AFDN: variants seen among roughly 807,000 people sequenced by gnomAD.
The protein encoded by AFDN is afadin.
AFDN carries 68 observed loss-of-function variants against 216.6 expected under a neutral mutation model. That is an observed-to-expected ratio of 0.31 (90% CI 0.26 to 0.38). The LOEUF (loss-of-function observed/expected upper bound fraction) is 0.38. Ranked by LOEUF, AFDN falls within the 10% of genes least tolerant of loss-of-function variation. The probability of loss-of-function intolerance (pLI) is 1.00; values close to 1 mark genes in which losing one functional copy is unlikely to be tolerated. For synonymous variants in AFDN, 868 were observed against 853.7 expected, an observed-to-expected ratio of 1.02 and a Z score of -0.29; for missense variants, 2,136 against 2,342.0, an observed-to-expected ratio of 0.91 and a Z score of 1.82.
intron 1 of AFDN, among the ~76,000 whole-genome samples, chr6:167,830,665 G>A (rs1203500804): frequency 6.6e-6 from 1 of 152,062 alleles, no homozygotes; most frequent in Admixed American, 6.6e-5. Context: ...TGCCCTGATG[G>A]TAAAAATAAC....
chr6:167,918,157 T>A (rs924956134), intron 20 of AFDN, among the ~76,000 whole-genome samples: 3 of 152,230 alleles, frequency 2.0e-5, no homozygotes, highest in African/African-American at 7.2e-5. Flanking sequence ...ATCTTTTTGA[T>A]CTGTACAGTT....
At chr6:167,877,173 T>C (rs1313630579) in intron 5 of AFDN, among the ~76,000 whole-genome samples, 1 of 152,212 alleles carries the variant, frequency 6.6e-6, no homozygotes, top group Non-Finnish European at 1.5e-5. Context: ...TGGATTTTAC[T>C]GAGGAGGGGA....
chr6:167,826,628 A>T (rs1423198520), upstream of AFDN: 1 of 504,970 alleles, frequency 2.0e-6, no homozygotes, highest in African/African-American at 1.9e-5. Context: ...GCCCATTTAG[A>T]TCCAGCAGCG....
intron 12 of AFDN, among the ~76,000 whole-genome samples, chr6:167,904,852 A>G (rs117415550): frequency 1.3e-5 from 2 of 152,152 alleles, no homozygotes; most frequent in African/African-American, 4.8e-5. Flanking sequence ...ACATTTAAAA[A>G]ATGTAAATTA....
intron 1 of AFDN, chr6:167,827,999 T>G (rs1013380014): frequency 6.6e-6 from 1 of 152,140 alleles, no homozygotes. Context: ...AAAAAATGTT[T>G]GAGTCCAAGT....
At chr6:167,947,126 C>T (rs1057266456) in intron 27 of AFDN, among the ~76,000 whole-genome samples, 8 of 151,908 alleles carry the variant, frequency 5.3e-5, no homozygotes, top group African/African-American at 1.9e-4. Flanking sequence ...TTAATAACAT[C>T]TCTATTTGGG....
chr6:167,952,124 G>A lies in AFDN; in HGVS notation c.4770G>A (p.Glu1590=). ...AGAAGGACGAAGATGACGAGGAGGA[G>A]GAGGACGATGATGTGGACACCATGC... is the stretch of plus-strand genomic sequence containing the variant. ...SKQKDEDDEE[E]EDDDVDTMLI... The change falls in exon 30 of 34, where the codon GAG becomes GAA. Residue 1590 remains glutamate (E), a synonymous_variant. Coordinates refer to ENST00000683244, the MANE Select transcript of AFDN (RefSeq NM_001386888.1). The A allele has an allele frequency of 6.2e-7, 1 of 1,614,180 alleles. No individual in the cohort carries two copies. Among genetic ancestry groups the A allele is most frequent in the Non-Finnish European group, 8.5e-7 (1 of 1,180,044 alleles).
chr6:167,904,209 CT>C (rs1226939683), intron 12 of AFDN, among the ~76,000 whole-genome samples: 121 of 145,336 alleles, frequency 8.3e-4, no homozygotes, highest in Non-Finnish European at 1.1e-3. Flanking sequence ...ATCTCTCTCT[CT>C]TTTTTTTTTT....
At chr6:167,937,800 T>A (rs1241072859) in intron 23 of AFDN, among the ~76,000 whole-genome samples, 2 of 152,182 alleles carry the variant, frequency 1.3e-5, no homozygotes, top group Non-Finnish European at 2.9e-5. Flanking sequence ...AATTTTACAG[T>A]TTTATTGCTA....
chr6:167,922,147 G>A (rs1391016216), intron 21 of AFDN, among the ~76,000 whole-genome samples: 2 of 152,228 alleles, frequency 1.3e-5, no homozygotes, highest in African/African-American at 2.4e-5. Flanking sequence ...ATAGATAGGA[G>A]TTGGTCAAAA....
intron 26 of AFDN, 134 bp downstream of exon 26, chr6:167,944,193 T>A: frequency 1.5e-6 from 1 of 661,556 alleles, no homozygotes; most frequent in East Asian, 2.8e-5. Context: ...ATGAGAGCGC[T>A]TCAGCATAGT....
At chr6:167,872,426 T>A in intron 4 of AFDN, 49 bp downstream of exon 4, 3 of 1,553,580 alleles carry the variant, frequency 1.9e-6, no homozygotes, top group Non-Finnish European at 2.6e-6. Flanking sequence ...CCAAATCAGA[T>A]GTTTTTGTTG....
intron 6 of AFDN, 103 bp from the exon 7 acceptor site, chr6:167,889,112 C>T (rs1787239387): frequency 1.0e-5 from 7 of 703,456 alleles, no homozygotes; most frequent in Admixed American, 5.0e-5. Flanking sequence ...CTTAATTCTA[C>T]GGTGACATTT....
intron 29 of AFDN, among the ~76,000 whole-genome samples, chr6:167,950,853 G>A (rs887023363): frequency 6.8e-6 from 1 of 146,116 alleles, no homozygotes; most frequent in Non-Finnish European, 1.5e-5. Flanking sequence ...TTGCTTTTTT[G>A]CTTTTTTTTT....
At chr6:167,935,516 G>A (rs1319141680) in intron 23 of AFDN, among the ~76,000 whole-genome samples, 1 of 152,162 alleles carries the variant, frequency 6.6e-6, no homozygotes, top group Admixed American at 6.5e-5. Context: ...AATGAAATTT[G>A]TAATTCCTGA....
intron 21 of AFDN, among the ~76,000 whole-genome samples, chr6:167,919,763 A>G (rs781509838): frequency 1.3e-5 from 2 of 152,234 alleles, no homozygotes; most frequent in Non-Finnish European, 2.9e-5. Context: ...TATTAGACCA[A>G]ATTTTAATCC....
rs753951603 is a variant in AFDN, at chr6:167,911,104, A to G, written c.1773A>G (p.Thr591=). The G allele has an allele frequency of 5.0e-6, 8 of 1,612,542 alleles. No homozygotes were observed. In the East Asian group the frequency reaches 6.7e-5, roughly 13 times the overall value. The change falls in exon 14 of 34, where the codon ACA becomes ACG. Residue 591 remains threonine, a synonymous_variant. Coordinates refer to ENST00000683244, the MANE Select transcript of AFDN (RefSeq NM_001386888.1). ...GATGTCAGCTTTCTTCTTTTAGAAC[A>G]CAGGATGCTTCTGGGCCTGAGCTGA... ...QPDYRRQESR[T]QDASGPELIL... is the part of the protein sequence containing the mutation.
intron 21 of AFDN, among the ~76,000 whole-genome samples, chr6:167,921,256 G>C (rs1791757883): frequency 6.6e-6 from 1 of 152,216 alleles, no homozygotes; most frequent in African/African-American, 2.4e-5. Context: ...CTCTTGACTT[G>C]ATGATGGAGT....
intron 19 of AFDN, among the ~76,000 whole-genome samples, chr6:167,916,597 G>A (rs1791096361): frequency 1.3e-5 from 2 of 152,062 alleles, no homozygotes; most frequent in Non-Finnish European, 2.9e-5. Flanking sequence ...ACTAGGAGGT[G>A]ATGTTTTGCA....
Sources: gnomAD v4.1 joint callset for allele counts (sites outside exome capture counted in the v4.1 genomes callset) on GRCh38, gnomAD v4.1.1 for gene constraint, MANE v1.5 for transcripts, NCBI Gene and HGNC (gene_info 2026-07-23, HGNC 2026-07-21) for gene names.